DSCAML1: variants seen among roughly 807,000 people sequenced by gnomAD.
DSCAML1 encodes cell adhesion molecule DSCAML1.
In DSCAML1, 38 loss-of-function variants were observed where a neutral mutation model predicts 200.5. The observed-to-expected ratio is 0.19, with a 90% CI of 0.15 to 0.25. DSCAML1 has a LOEUF of 0.25. Among genes scored for constraint, DSCAML1 ranks in the 10% least tolerant of loss-of-function variants. The pLI is 1.00. For synonymous variants in DSCAML1, 1,215 were observed against 1,165.0 expected, an observed-to-expected ratio of 1.04 and a Z score of -0.87; for missense variants, 2,223 against 2,858.8, an observed-to-expected ratio of 0.78 and a Z score of 5.07.
At chr11:117,605,596 T>C (rs1443862982) in intron 3 of DSCAML1, among the ~76,000 whole-genome samples, 1 of 152,142 alleles carries the variant, frequency 6.6e-6, no homozygotes, top group Non-Finnish European at 1.5e-5. Flanking sequence ...TCCATTTAGG[T>C]CAGGAGAGCC....
intron 3 of DSCAML1, among the ~76,000 whole-genome samples, chr11:117,702,370 G>C (rs1032702604): frequency 4.6e-5 from 7 of 151,950 alleles, no homozygotes; most frequent in African/African-American, 1.7e-4. Context: ...TGTTGCTTCT[G>C]CTTGGATAGC....
At chr11:117,731,923 G>A (rs1591449901) in intron 3 of DSCAML1, among the ~76,000 whole-genome samples, 1 of 152,302 alleles carries the variant, frequency 6.6e-6, no homozygotes, top group African/African-American at 2.4e-5. Flanking sequence ...GTCTCAGCAT[G>A]GGTGTCTCAG....
At chr11:117,650,769 G>A (rs1329425519) in intron 3 of DSCAML1, among the ~76,000 whole-genome samples, 5 of 151,766 alleles carry the variant, frequency 3.3e-5, no homozygotes, top group Admixed American at 2.6e-4. Flanking sequence ...AGATGGTCAG[G>A]GGTGGTTGAG....
At chr11:117,796,686 G>A (rs1407051662) in intron 1 of DSCAML1, among the ~76,000 whole-genome samples, 1 of 152,196 alleles carries the variant, frequency 6.6e-6, no homozygotes, top group Admixed American at 6.5e-5. Context: ...AGGGCACTCC[G>A]GGGTCCCAGT....
At chr11:117,669,098 G>A (rs1238140921) in intron 3 of DSCAML1, among the ~76,000 whole-genome samples, 1 of 152,122 alleles carries the variant, frequency 6.6e-6, no homozygotes, top group Non-Finnish European at 1.5e-5. Flanking sequence ...TAAGGCCTAG[G>A]TGCCCCCAGG....
Position 117,512,403 on chromosome 11 carries a change from C to T in DSCAML1, c.1783+4064G>A, listed in dbSNP as rs138720723. 9.7e-3 allele frequency among the ~76,000 whole-genome samples: 1,480 copies of T among 152,256 alleles called. 24 individuals carry two copies. The highest frequency in any genetic ancestry group is 0.034 in the African/African-American group (1,419 of 41,532). On this transcript the variant is annotated intron_variant, in intron 8 of 32. Coordinates refer to ENST00000651296, the MANE Select transcript of DSCAML1 (RefSeq NM_020693.4). ...TCAAGCAGCGTGATCATAATCAGCT[C>T]TGATGGTTCTTCTGCAAAAGCGCAT...
At chr11:117,638,350 GT>G (rs2052334133) in intron 3 of DSCAML1, among the ~76,000 whole-genome samples, 1 of 151,320 alleles carries the variant, frequency 6.6e-6, no homozygotes, top group Non-Finnish European at 1.5e-5. Context: ...GTGTGTGTGT[GT>G]GTGTGTGTGT....
intron 3 of DSCAML1, among the ~76,000 whole-genome samples, chr11:117,641,289 G>A (rs2052401471): frequency 6.6e-6 from 1 of 152,216 alleles, no homozygotes; most frequent in African/African-American, 2.4e-5. Flanking sequence ...TCACTCACAA[G>A]GCTGCAGGCA....
intron 16 of DSCAML1, among the ~76,000 whole-genome samples, chr11:117,467,168 C>G (rs1490617072): frequency 6.7e-6 from 1 of 149,322 alleles, no homozygotes; most frequent in African/African-American, 2.5e-5. Flanking sequence ...CAGCCAGGTG[C>G]GCGCACGCAT....
intron 19 of DSCAML1, among the ~76,000 whole-genome samples, chr11:117,453,346 T>C (rs1565694515): frequency 6.6e-6 from 1 of 152,362 alleles, no homozygotes; most frequent in East Asian, 1.9e-4. Flanking sequence ...TGCTCTGCCT[T>C]TACTCGTTGC....
At chr11:117,775,931 AC>A (rs1054374719) in intron 3 of DSCAML1, among the ~76,000 whole-genome samples, 28 of 152,334 alleles carry the variant, frequency 1.8e-4, no homozygotes, top group African/African-American at 6.5e-4. Flanking sequence ...CTCAGAGATC[AC>A]CTGGTCAAGC....
chr11:117,767,687 TC>T (rs2134028743), intron 3 of DSCAML1, among the ~76,000 whole-genome samples: 1 of 152,234 alleles, frequency 6.6e-6, no homozygotes, highest in African/African-American at 2.4e-5. Context: ...TGCTGGGAGT[TC>T]CTAGGACAGC....
At chr11:117,619,853 G>A (rs2051889672) in intron 3 of DSCAML1, among the ~76,000 whole-genome samples, 1 of 152,138 alleles carries the variant, frequency 6.6e-6, no homozygotes, top group Non-Finnish European at 1.5e-5. Flanking sequence ...AGGTCACTAA[G>A]AGGCATGATG....
intron 3 of DSCAML1, among the ~76,000 whole-genome samples, chr11:117,634,587 C>G (rs1309444546): frequency 6.6e-6 from 1 of 152,182 alleles, no homozygotes; most frequent in Non-Finnish European, 1.5e-5. Flanking sequence ...TCTGTGCTGC[C>G]TGGAATTTGC....
intron 3 of DSCAML1, among the ~76,000 whole-genome samples, chr11:117,577,466 C>G (rs1364748191): frequency 1.7e-4 from 5 of 28,686 alleles, no homozygotes; most frequent in African/African-American, 2.7e-4. Context: ...CCTTTCCTTC[C>G]TTCCTTCCTT....
At chr11:117,679,147 T>C (rs1028351121) in intron 3 of DSCAML1, among the ~76,000 whole-genome samples, 1 of 152,246 alleles carries the variant, frequency 6.6e-6, no homozygotes, top group African/African-American at 2.4e-5. Flanking sequence ...GTCTGGCCAC[T>C]GTGGGACGAT....
At chr11:117,694,978 AGGT>A in intron 3 of DSCAML1, among the ~76,000 whole-genome samples, 1 of 152,354 alleles carries the variant, frequency 6.6e-6, no homozygotes, top group South Asian at 2.1e-4. Flanking sequence ...TTCAGCCTTT[AGGT>A]GACTGGAAGA....
intron 18 of DSCAML1, 30 bp downstream of exon 18, chr11:117,461,420 A>G: frequency 6.2e-7 from 1 of 1,613,958 alleles, no homozygotes; most frequent in South Asian, 1.1e-5. Context: ...CTCTCCCCTG[A>G]GTCCCAGCCA....
At chr11:117,485,443 C>T (rs1441191820) in intron 11 of DSCAML1, among the ~76,000 whole-genome samples, 3 of 152,296 alleles carry the variant, frequency 2.0e-5, no homozygotes, top group Non-Finnish European at 2.9e-5. Context: ...CAGGGGAGCC[C>T]GTTCATGAGG....
Sources: gnomAD v4.1 joint callset for allele counts (sites outside exome capture counted in the v4.1 genomes callset) on GRCh38, gnomAD v4.1.1 for gene constraint, MANE v1.5 for transcripts, NCBI Gene and HGNC (gene_info 2026-07-23, HGNC 2026-07-21) for gene names.